COTL1: variants seen among roughly 807,000 people sequenced by gnomAD.
COTL1 encodes coactosin-like protein.
In COTL1, 15 loss-of-function variants were observed where a neutral mutation model predicts 16.5. The observed-to-expected ratio is 0.91, with a 90% CI of 0.61 to 1.40. The LOEUF (loss-of-function observed/expected upper bound fraction) is 1.40. COTL1 is among the 40% of genes most tolerant of loss of function. The probability of loss-of-function intolerance (pLI) is 0.00; values close to 1 mark genes in which losing one functional copy is unlikely to be tolerated. For missense variants in COTL1, 220 were observed against 201.5 expected, an observed-to-expected ratio of 1.09 and a Z score of -0.56; for synonymous variants, 112 against 85.3, an observed-to-expected ratio of 1.31 and a Z score of -1.73.
At chr16:84,585,720 A>G (rs1240635816) in intron 3 of COTL1, among the ~76,000 whole-genome samples, 1 of 152,204 alleles carries the variant, frequency 6.6e-6, no homozygotes, top group Admixed American at 6.5e-5. Context: ...GTGGAAAGAC[A>G]GCATTATACC....
chr16:84,582,729 T>G (rs1257100694), intron 3 of COTL1, among the ~76,000 whole-genome samples: 1 of 152,216 alleles, frequency 6.6e-6, no homozygotes, highest in Non-Finnish European at 1.5e-5. Context: ...TTTTCACACC[T>G]ACTGCTTTTC....
intron 2 of COTL1, among the ~76,000 whole-genome samples, chr16:84,616,885 G>A (rs1389022353): frequency 1.3e-5 from 2 of 152,306 alleles, no homozygotes; most frequent in East Asian, 3.9e-4. Flanking sequence ...CAGCAGTCCG[G>A]GTGGTGTGCC....
At chr16:84,591,194 T>A (rs1904851618) in intron 2 of COTL1, among the ~76,000 whole-genome samples, 1 of 151,646 alleles carries the variant, frequency 6.6e-6, no homozygotes, top group South Asian at 2.1e-4. Context: ...ATTTTTTTTT[T>A]TTTTTTTGAG....
At chr16:84,585,951 C>G (rs768392867) in intron 3 of COTL1, among the ~76,000 whole-genome samples, 14 of 152,230 alleles carry the variant, frequency 9.2e-5, no homozygotes, top group Non-Finnish European at 2.1e-4. Flanking sequence ...GCATCCCTTT[C>G]TCTAACAACT....
At chr16:84,589,378 C>T (rs1448766363) in intron 3 of COTL1, among the ~76,000 whole-genome samples, 1 of 152,234 alleles carries the variant, frequency 6.6e-6, no homozygotes, top group East Asian at 1.9e-4. Context: ...GTACCCCCCG[C>T]CCTCTGTAAC....
intron 2 of COTL1, chr16:84,595,698 C>A (rs1484655180): frequency 1.3e-5 from 2 of 152,150 alleles, no homozygotes; most frequent in Non-Finnish European, 2.9e-5. Context: ...CAGAGAAACG[C>A]TGTCCTGTAT....
At chr16:84,574,455 G>T (rs558316969) in intron 3 of COTL1, among the ~76,000 whole-genome samples, 4 of 152,162 alleles carry the variant, frequency 2.6e-5, no homozygotes, top group Admixed American at 2.0e-4. Context: ...GCTGCCAGAC[G>T]GGGGACTTCT....
intron 3 of COTL1, among the ~76,000 whole-genome samples, chr16:84,588,399 G>A (rs546179939): frequency 6.6e-6 from 1 of 152,158 alleles, no homozygotes; most frequent in South Asian, 2.1e-4. Context: ...CGTCAACATT[G>A]GTACATTACA....
At chr16:84,591,463 C>A (rs538085296) in intron 2 of COTL1, among the ~76,000 whole-genome samples, 2 of 149,924 alleles carry the variant, frequency 1.3e-5, no homozygotes, top group Admixed American at 6.7e-5. Flanking sequence ...GGATTACAGG[C>A]GTGAGCCACC....
In COTL1 at chr16:84,590,175, C is replaced by G; in HGVS notation, c.248G>C (p.Gly83Ala). ...GCGCTGCAGCCCGCTGACGTTCTCA[C>G]CGATCCACGTGATGAGGGCAAACTT... ...RSKFALITWI[G>A]ENVSGLQRAK... is the part of the protein sequence containing the mutation. The change falls in exon 3 of 4, where the codon GGT becomes GCT. Residue 83 changes from glycine (G) to alanine (A), a missense_variant. By Grantham distance (60) the Gly-to-Ala change is moderately conservative. Transcript: ENST00000262428. This position sits in a 1 kb window ranked among gnomAD's most constrained non-coding sequence, Gnocchi z 5.5. The G allele has an allele frequency of 6.2e-7, 1 of 1,614,222 alleles. No individual in the cohort carries two copies. The highest frequency in any genetic ancestry group is 8.5e-7 in the Non-Finnish European group (1 of 1,180,034).
At chr16:84,612,360 T>C (rs940583648) in intron 2 of COTL1, among the ~76,000 whole-genome samples, 2 of 152,176 alleles carry the variant, frequency 1.3e-5, no homozygotes, top group African/African-American at 4.8e-5. Context: ...CTAATGCGTG[T>C]CCACATGGGG....
chr16:84,570,657 C>A (rs1433113579), intron 3 of COTL1, among the ~76,000 whole-genome samples: 2 of 152,152 alleles, frequency 1.3e-5, no homozygotes, highest in Non-Finnish European at 2.9e-5. Flanking sequence ...GGTCATCCTG[C>A]AACTTGATAA....
chr16:84,568,524 T>C (rs1021300521), intron 3 of COTL1: 2 of 152,070 alleles, frequency 1.3e-5, no homozygotes, highest in African/African-American at 4.8e-5. Context: ...GGAAACAGGA[T>C]GCTGAGTGAA....
At chr16:84,615,211 G>A (rs1905440851) in intron 2 of COTL1, among the ~76,000 whole-genome samples, 1 of 152,232 alleles carries the variant, frequency 6.6e-6, no homozygotes, top group Admixed American at 6.5e-5. Context: ...GATGGCTGGG[G>A]AAAGAAAGCA....
chr16:84,602,217 T>C (rs1407415480), intron 2 of COTL1, among the ~76,000 whole-genome samples: 7 of 135,014 alleles, frequency 5.2e-5, no homozygotes, highest in African/African-American at 1.9e-4. Flanking sequence ...GTGGGGGGGG[T>C]GCCATTTTAT....
chr16:84,592,252 A>G (rs1904888521), intron 2 of COTL1, among the ~76,000 whole-genome samples: 1 of 152,234 alleles, frequency 6.6e-6, no homozygotes, highest in Admixed American at 6.5e-5. Context: ...TATTCAGCTT[A>G]CTTCACAAAC....
chr16:84,601,531 C>T (rs1371829402), intron 2 of COTL1, among the ~76,000 whole-genome samples: 2 of 152,082 alleles, frequency 1.3e-5, no homozygotes, highest in Non-Finnish European at 2.9e-5. Flanking sequence ...AATCTCGGCT[C>T]ATGCAACCTC....
At chr16:84,612,176 C>G (rs1905344731) in intron 2 of COTL1, among the ~76,000 whole-genome samples, 2 of 152,214 alleles carry the variant, frequency 1.3e-5, no homozygotes, top group South Asian at 4.1e-4. Flanking sequence ...GGACTTGCTT[C>G]CTTAATCCTC....
chr16:84,586,777 G>C (rs551688790), intron 3 of COTL1, among the ~76,000 whole-genome samples: 1 of 152,006 alleles, frequency 6.6e-6, no homozygotes, highest in Non-Finnish European at 1.5e-5. Flanking sequence ...AGTAGAGACG[G>C]GGTTTGTGTT....
Sources: gnomAD v4.1 joint callset for allele counts (sites outside exome capture counted in the v4.1 genomes callset) on GRCh38, gnomAD v4.1.1 for gene constraint, Gnocchi (gnomAD v3.1) non-coding constraint, MANE v1.5 for transcripts, NCBI Gene and HGNC (gene_info 2026-07-23, HGNC 2026-07-21) for gene names.